The following MB variants were observed in gnomAD, a reference collection of about 807,000 sequenced individuals.
MB encodes myoglobin.
In MB, 10 loss-of-function variants were observed where a neutral mutation model predicts 14.5. The observed-to-expected ratio is 0.69, with a 90% confidence interval of 0.43 to 1.17. The LOEUF is 1.17. Ranked by LOEUF, MB falls within the 50% of genes most tolerant of loss-of-function variation. The pLI is 0.00. For missense variants in MB, 169 were observed against 192.7 expected (o/e 0.88, Z 0.73); for synonymous variants, 89 against 78.6 (o/e 1.13, Z -0.70).
rs753993770 is a variant in MB at position 35,608,409 on chromosome 22, T to C, written c.319-966A>G. Among the ~76,000 whole-genome samples the C allele has an allele frequency of 6.6e-6, 1 of 152,184 alleles. No individual in the cohort carries two copies. Among genetic ancestry groups the C allele is most frequent in the Non-Finnish European group, 1.5e-5 (1 of 68,024 alleles). On this transcript the variant is annotated intron_variant, in intron 2 of 2. Coordinates refer to ENST00000397326, the MANE Select transcript of MB (RefSeq NM_005368.3). The surrounding 1 kb of genome is among the most constrained non-coding windows in gnomAD (Gnocchi z 4.3). The stretch of plus-strand genomic sequence containing the variant: ...CTGCCAGAGCTGGGAACGGAGGCAG[T>C]GGCTGAACCAAGGCTGGGTTTCTCG...
intron 1 of MB, 149 bp downstream of exon 1, chr22:35,617,014 A>G (rs1346739556): frequency 1.6e-6 from 1 of 637,904 alleles, no homozygotes; most frequent in Non-Finnish European, 2.8e-6. Flanking sequence ...CCTGACACTT[A>G]AAAGCAAAGA....
intron 1 of MB, among the ~76,000 whole-genome samples, chr22:35,613,723 T>C (rs1051816157): frequency 4.6e-5 from 7 of 152,106 alleles, no homozygotes; most frequent in Non-Finnish European, 8.8e-5. Context: ...GGTCTCGAAC[T>C]CCTGGACTCA....
At chr22:35,613,578 C>T (rs1287067908) in intron 1 of MB, among the ~76,000 whole-genome samples, 3 of 152,222 alleles carry the variant, frequency 2.0e-5, no homozygotes, top group Admixed American at 2.0e-4. Context: ...TCACTGGAGC[C>T]TCAATCTCCT....
Position 35,617,311 on chromosome 22 carries a change from G to A in MB, c.-54C>T, listed in dbSNP as rs979984385. 1.4e-6 allele frequency: 2 copies of A among 1,437,722 alleles called. No individual in the cohort carries two copies. Among genetic ancestry groups the A allele is most frequent in the Non-Finnish European group, 2.0e-6 (2 of 1,020,746 alleles). The allele number at this position is 1,437,722 out of a possible 1,614,324, so 89.1% of individuals were successfully genotyped here. On this transcript the variant is annotated 5_prime_UTR_variant, in exon 1 of 3. Transcript: ENST00000397326. Reference sequence around the variant, plus strand: ...AAGTATGGGCTCACTGGGTGTCCTGGCCCCAACAGCTGGGGTTTGAGGCTG... The same window carrying A: ...AAGTATGGGCTCACTGGGTGTCCTGACCCCAACAGCTGGGGTTTGAGGCTG...
At chr22:35,622,506 C>T (rs1233439416) in intron 1 of MB, 6 of 152,620 alleles carry the variant, frequency 3.9e-5, no homozygotes, top group Non-Finnish European at 7.3e-5. Flanking sequence ...CAGCTGTCCT[C>T]GCAGAGCCTC....
At chr22:35,620,314 C>G (rs550541127), upstream of MB, among the ~76,000 whole-genome samples, 9 of 152,072 alleles carry the variant, frequency 5.9e-5, no homozygotes, top group Admixed American at 4.6e-4. Context: ...GGCAACAGAG[C>G]GAGCCTCCAT....
intron 1 of MB, among the ~76,000 whole-genome samples, chr22:35,613,893 A>G (rs1207132122): frequency 6.6e-6 from 1 of 152,222 alleles, no homozygotes; most frequent in Non-Finnish European, 1.5e-5. Flanking sequence ...CTGTGGGCCC[A>G]GGCCTTGCAG....
At position 35,617,302 on chromosome 22, in the gene MB, G is replaced by C; in HGVS notation, c.-45C>G. 6.6e-7 allele frequency: 1 copy of C among 1,506,752 alleles called. No individual in the cohort carries two copies. Among genetic ancestry groups the C allele is most frequent in the Non-Finnish European group, 9.2e-7 (1 of 1,082,818 alleles). 93.3% of individuals were successfully genotyped at this position (1,506,752 alleles called of 1,614,324 possible). A position where few individuals can be genotyped will look rare whatever the true frequency, so the allele number is the denominator to read the frequency against. On this transcript the variant is annotated 5_prime_UTR_variant, in exon 1 of 3. Coordinates refer to ENST00000397326, the MANE Select transcript of MB (RefSeq NM_005368.3). ...AAAAAGAGCAAGTATGGGCTCACTGGGTGTCCTGGCCCCAACAGCTGGGGT... is the reference window on the plus strand; with the variant it reads ...AAAAAGAGCAAGTATGGGCTCACTGCGTGTCCTGGCCCCAACAGCTGGGGT...
chr22:35,616,999 C>A, intron 1 of MB, 164 bp downstream of exon 1: 1 of 610,174 alleles, frequency 1.6e-6, no homozygotes, highest in Non-Finnish European at 3.0e-6. Context: ...CTCCTGAGTC[C>A]AATCCCTGAC....
chr22:35,619,465 C>A (rs1034985069), upstream of MB, among the ~76,000 whole-genome samples: 1 of 152,194 alleles, frequency 6.6e-6, no homozygotes, highest in Non-Finnish European at 1.5e-5. Flanking sequence ...ACCTACACAG[C>A]TTTTTGAAGA....
chr22:35,611,808 G>A (rs1306570234), intron 1 of MB, among the ~76,000 whole-genome samples: 1 of 150,830 alleles, frequency 6.6e-6, no homozygotes, highest in African/African-American at 2.5e-5. Flanking sequence ...TTTAGACCTC[G>A]GTCCTTCCTG....
chr22:35,621,032 A>G (rs1923429590), upstream of MB, among the ~76,000 whole-genome samples: 1 of 152,166 alleles, frequency 6.6e-6, no homozygotes, highest in Non-Finnish European at 1.5e-5. Flanking sequence ...ACATCTCTAC[A>G]ACAGAGCAGC....
At chr22:35,620,474 G>A (rs542833168), upstream of MB, among the ~76,000 whole-genome samples, 295 of 152,334 alleles carry the variant, frequency 1.9e-3, 1 homozygote, top group African/African-American at 6.6e-3. Flanking sequence ...AGCCTCAGAA[G>A]GAAAGACAAC....
At chr22:35,607,755 A>G (rs1325071728) in intron 2 of MB, among the ~76,000 whole-genome samples, 1 of 151,998 alleles carries the variant, frequency 6.6e-6, no homozygotes, top group Non-Finnish European at 1.5e-5. Flanking sequence ...AGCCCCCTCC[A>G]CTCCATCAGG....
chr22:35,619,128 G>A (rs916760644), upstream of MB, among the ~76,000 whole-genome samples: 1 of 152,176 alleles, frequency 6.6e-6, no homozygotes, highest in Non-Finnish European at 1.5e-5. Flanking sequence ...ACTGCTACAT[G>A]CTGAGGATAA....
rs1569119056 is a variant in MB, at chr22:35,610,465, A to G, written c.318+419T>C. Among the ~76,000 whole-genome samples the G allele has an allele frequency of 3.9e-5, 6 of 152,262 alleles. No individual in the cohort carries two copies. In the South Asian group the frequency reaches 1.2e-3, roughly 32 times the overall value. Reference sequence around the variant, plus strand: ...AGTTAGGGGCTGGGGTTCTGTAGTAATAGAGACCTGCGTTTGAATCTTGGC... The same window carrying G: ...AGTTAGGGGCTGGGGTTCTGTAGTAGTAGAGACCTGCGTTTGAATCTTGGC... On this transcript the variant is annotated intron_variant, in intron 2 of 2. Transcript: ENST00000397326.
upstream of MB, among the ~76,000 whole-genome samples, chr22:35,619,558 C>T (rs1470345973): frequency 6.6e-6 from 1 of 152,216 alleles, no homozygotes; most frequent in East Asian, 1.9e-4. Context: ...AAACCTGCTG[C>T]CAGTCACAGC....
upstream of MB, among the ~76,000 whole-genome samples, chr22:35,620,528 C>A (rs973767978): frequency 1.3e-5 from 2 of 152,172 alleles, no homozygotes. Context: ...GCAGTTTGAC[C>A]CTTACTGCTG....
chr22:35,610,811 C>G, intron 2 of MB, 73 bp downstream of exon 2: 1 of 1,223,984 alleles, frequency 8.2e-7, no homozygotes. Flanking sequence ...TGAGCTTGGA[C>G]TCGAACCCAG....
Sources: gnomAD v4.1 joint callset for allele counts (sites outside exome capture counted in the v4.1 genomes callset) on GRCh38, gnomAD v4.1.1 for gene constraint, Gnocchi (gnomAD v3.1) non-coding constraint, MANE v1.5 for transcripts, NCBI Gene and HGNC (gene_info 2026-07-23, HGNC 2026-07-21) for gene names.